The following RBFOX1 variants were observed in gnomAD, a reference collection of about 807,000 sequenced individuals.
The protein encoded by RBFOX1 is RNA binding fox-1 homolog 1, also known as RNA binding protein fox-1 homolog 1.
RBFOX1 carries 8 observed loss-of-function variants against 57.7 expected under a neutral mutation model. The ratio of observed to expected loss-of-function variants is 0.14; its 90% CI spans 0.08 to 0.25. The LOEUF is 0.25. RBFOX1 is among the 10% of genes least tolerant of loss of function. The probability of loss-of-function intolerance (pLI) is 1.00; values close to 1 mark genes in which losing one functional copy is unlikely to be tolerated. For synonymous variants in RBFOX1, 326 were observed against 222.4 expected, an observed-to-expected ratio of 1.47 and a Z score of -4.15; for missense variants, 611 against 548.5, an observed-to-expected ratio of 1.11 and a Z score of -1.14.
intron 4 of RBFOX1, among the ~76,000 whole-genome samples, chr16:7,341,244 C>G (rs993942689): frequency 6.6e-6 from 1 of 152,198 alleles, no homozygotes; most frequent in African/African-American, 2.4e-5. Context: ...GAACTCAATA[C>G]TCTGAAGGTC....
At chr16:5,885,582 G>C (rs541596192) in intron 4 of RBFOX1, among the ~76,000 whole-genome samples, 1 of 152,124 alleles carries the variant, frequency 6.6e-6, no homozygotes, top group Non-Finnish European at 1.5e-5. Context: ...GTTTGGGACA[G>C]GGCTAATGGT....
intron 3 of RBFOX1, among the ~76,000 whole-genome samples, chr16:6,970,701 C>G (rs1477520338): frequency 2.0e-5 from 3 of 152,202 alleles, no homozygotes; most frequent in Non-Finnish European, 4.4e-5. Flanking sequence ...GCTCTTAATA[C>G]TATCATGTTG....
intron 3 of RBFOX1, among the ~76,000 whole-genome samples, chr16:6,672,154 A>G (rs1265154056): frequency 1.3e-5 from 2 of 152,206 alleles, no homozygotes; most frequent in Non-Finnish European, 2.9e-5. Context: ...TTAGCTAGAA[A>G]TAGATACTTA....
At chr16:5,665,130 A>C (rs1048894945) in intron 3 of RBFOX1, among the ~76,000 whole-genome samples, 3 of 74,974 alleles carry the variant, frequency 4.0e-5, no homozygotes, top group Non-Finnish European at 7.1e-5. Flanking sequence ...ATATTTTTAC[A>C]TGGGGGGGGG....
chr16:5,622,389 G>C (rs1400640684), intron 3 of RBFOX1, among the ~76,000 whole-genome samples: 2 of 152,214 alleles, frequency 1.3e-5, no homozygotes, highest in African/African-American at 4.8e-5. Flanking sequence ...GGGGTAAGGA[G>C]TCTTGTGCAC....
At chr16:7,361,955 G>T (rs948182023) in intron 4 of RBFOX1, among the ~76,000 whole-genome samples, 3 of 151,920 alleles carry the variant, frequency 2.0e-5, no homozygotes, top group African/African-American at 7.3e-5. Flanking sequence ...CATGTTTTGT[G>T]TGTATGTTTG....
intron 2 of RBFOX1, among the ~76,000 whole-genome samples, chr16:6,488,458 T>C (rs1369389732): frequency 6.6e-6 from 1 of 152,154 alleles, no homozygotes; most frequent in African/African-American, 2.4e-5. Flanking sequence ...GCATCAGACA[T>C]TGGACGAGGA....
At chr16:7,419,567 C>G (rs1007071081) in intron 4 of RBFOX1, among the ~76,000 whole-genome samples, 3 of 152,226 alleles carry the variant, frequency 2.0e-5, no homozygotes, top group African/African-American at 7.2e-5. Context: ...GCGGCATATG[C>G]AAGCTTGGAC....
At chr16:6,073,417 C>G (rs11640351) in intron 1 of RBFOX1, among the ~76,000 whole-genome samples, 32,974 of 152,082 alleles carry the variant, frequency 0.22, 4,488 homozygotes, top group Non-Finnish European at 0.3. Context: ...TGAATTAGTT[C>G]AATCTAATGT....
intron 2 of RBFOX1, among the ~76,000 whole-genome samples, chr16:6,387,186 G>T (rs1287317399): frequency 6.6e-6 from 1 of 152,200 alleles, no homozygotes; most frequent in East Asian, 1.9e-4. Flanking sequence ...GAATAAGGCA[G>T]TTCTTGTAAG....
intron 3 of RBFOX1, among the ~76,000 whole-genome samples, chr16:7,015,573 A>C (rs2093870412): frequency 6.6e-6 from 1 of 152,170 alleles, no homozygotes; most frequent in Non-Finnish European, 1.5e-5. Context: ...GGTTGTTCAC[A>C]TTATTCTGAG....
intron 3 of RBFOX1, among the ~76,000 whole-genome samples, chr16:6,961,152 G>GACACACACACACACACAC (rs1158074540): frequency 1.4e-5 from 2 of 147,908 alleles, no homozygotes; most frequent in South Asian, 2.1e-4. Flanking sequence ...CACCCACACA[G>GACACACACACACACACAC]ACACACACAC....
intron 4 of RBFOX1, chr16:7,333,091 A>G (rs1394138249): frequency 5.6e-6 from 9 of 1,613,066 alleles, no homozygotes; most frequent in Non-Finnish European, 6.8e-6. Context: ...TGATTCAGGT[A>G]ATTCAAGGCC....
chr16:6,992,731 G>T (rs914785610), intron 3 of RBFOX1, among the ~76,000 whole-genome samples: 20 of 150,578 alleles, frequency 1.3e-4, no homozygotes, highest in Admixed American at 4.0e-4. Context: ...GATGGCATGA[G>T]TCCAAGAGGT....
chr16:7,085,239 A>T (rs1471376117), intron 4 of RBFOX1, among the ~76,000 whole-genome samples: 2 of 152,170 alleles, frequency 1.3e-5, no homozygotes, highest in Admixed American at 6.5e-5. Flanking sequence ...CCATGGATTG[A>T]TGCAAACTAG....
intron 2 of RBFOX1, among the ~76,000 whole-genome samples, chr16:5,531,847 G>A (rs1041643070): frequency 6.7e-6 from 1 of 149,416 alleles, no homozygotes; most frequent in Non-Finnish European, 1.5e-5. Context: ...TGTCACCCAG[G>A]CTGAAGTGCA....
intron 2 of RBFOX1, among the ~76,000 whole-genome samples, chr16:6,621,516 C>G (rs919424426): frequency 6.6e-6 from 1 of 152,166 alleles, no homozygotes; most frequent in African/African-American, 2.4e-5. Flanking sequence ...TAGTGTCAGG[C>G]TGTACCCTAA....
At chr16:5,365,293 G>A (rs2065679638) in intron 1 of RBFOX1, among the ~76,000 whole-genome samples, 1 of 151,878 alleles carries the variant, frequency 6.6e-6, no homozygotes. Flanking sequence ...CTTGAAAAAT[G>A]AGCAAACACA....
intron 4 of RBFOX1, among the ~76,000 whole-genome samples, chr16:5,893,186 G>T (rs1377938777): frequency 6.6e-6 from 1 of 152,220 alleles, no homozygotes; most frequent in Non-Finnish European, 1.5e-5. Context: ...TGCTCCAGAA[G>T]TATGCTCCTC....
Sources: allele counts gnomAD v4.1 joint callset (sites outside exome capture counted in the v4.1 genomes callset), GRCh38; gene constraint gnomAD v4.1.1; transcripts MANE v1.5; gene names NCBI Gene and HGNC (gene_info 2026-07-23, HGNC 2026-07-21).